Variants in NXPH1 observed in about 807,000 individuals in gnomAD.
NXPH1 encodes the protein neurexophilin-1.
In NXPH1, 5 loss-of-function variants were observed where a neutral mutation model predicts 23.7. The ratio of observed to expected loss-of-function variants is 0.21; its 90% CI spans 0.11 to 0.44. The LOEUF (loss-of-function observed/expected upper bound fraction) is 0.44. Ranked by LOEUF, NXPH1 falls within the 20% of genes least tolerant of loss-of-function variation. The probability of loss-of-function intolerance (pLI) is 0.99; values close to 1 mark genes in which losing one functional copy is unlikely to be tolerated. For missense variants in NXPH1, 324 were observed against 321.6 expected (o/e 1.01, Z -0.06); for synonymous variants, 144 against 122.2 (o/e 1.18, Z -1.18).
At chr7:8,496,664 A>G (rs531459786) in intron 2 of NXPH1, among the ~76,000 whole-genome samples, 1 of 152,180 alleles carries the variant, frequency 6.6e-6, no homozygotes, top group African/African-American at 2.4e-5. Flanking sequence ...GCCCCATCCC[A>G]GAACTCAGGG....
intron 2 of NXPH1, among the ~76,000 whole-genome samples, chr7:8,670,243 A>G (rs959138028): frequency 6.6e-6 from 1 of 152,132 alleles, no homozygotes; most frequent in Non-Finnish European, 1.5e-5. Flanking sequence ...CCTTTGAGGT[A>G]GTGTCCTTTG....
intron 2 of NXPH1, among the ~76,000 whole-genome samples, chr7:8,660,581 C>T (rs1229693940): frequency 1.3e-5 from 2 of 152,208 alleles, no homozygotes; most frequent in East Asian, 3.9e-4. Context: ...TTTTTGGCAT[C>T]TGAGGACAGG....
At chr7:8,617,927 T>C (rs1819780712) in intron 2 of NXPH1, among the ~76,000 whole-genome samples, 1 of 152,118 alleles carries the variant, frequency 6.6e-6, no homozygotes, top group Non-Finnish European at 1.5e-5. Flanking sequence ...TATACACCTA[T>C]GTACCCACGA....
intron 2 of NXPH1, among the ~76,000 whole-genome samples, chr7:8,633,478 C>A (rs949028735): frequency 1.3e-5 from 2 of 152,152 alleles, no homozygotes; most frequent in Non-Finnish European, 2.9e-5. Flanking sequence ...TAGAATTATG[C>A]GGATGTGAAA....
intron 2 of NXPH1, among the ~76,000 whole-genome samples, chr7:8,475,728 T>G (rs1816958860): frequency 6.6e-6 from 1 of 152,152 alleles, no homozygotes; most frequent in South Asian, 2.1e-4. Context: ...TCCTTTTACC[T>G]CTTCACCTCT....
chr7:8,748,181 A>G (rs553230841), intron 2 of NXPH1, among the ~76,000 whole-genome samples: 59 of 152,320 alleles, frequency 3.9e-4, no homozygotes, highest in African/African-American at 1.3e-3. Context: ...TACTTGTGCT[A>G]AAGCAACGAT....
intron 2 of NXPH1, among the ~76,000 whole-genome samples, chr7:8,485,213 G>A (rs1817139143): frequency 6.6e-6 from 1 of 152,164 alleles, no homozygotes; most frequent in African/African-American, 2.4e-5. Flanking sequence ...TAAAAGGGCA[G>A]TTCCCCTGCA....
At chr7:8,554,224 A>T (rs1236271113) in intron 2 of NXPH1, among the ~76,000 whole-genome samples, 1 of 151,658 alleles carries the variant, frequency 6.6e-6, no homozygotes, top group Admixed American at 6.6e-5. Flanking sequence ...TTAGGTGTTA[A>T]CCTTCAGGCA....
chr7:8,657,497 A>G (rs1820601691), intron 2 of NXPH1, among the ~76,000 whole-genome samples: 1 of 152,102 alleles, frequency 6.6e-6, no homozygotes. Flanking sequence ...GCCCTGGCCC[A>G]CTCCTAGGCA....
intron 2 of NXPH1, among the ~76,000 whole-genome samples, chr7:8,731,948 T>C (rs1780163457): frequency 1.3e-5 from 2 of 152,216 alleles, no homozygotes; most frequent in Admixed American, 1.3e-4. Flanking sequence ...GCCTTGCTGC[T>C]GCCTTGCAGT....
At chr7:8,663,160 T>C (rs969619298) in intron 2 of NXPH1, among the ~76,000 whole-genome samples, 1 of 152,096 alleles carries the variant, frequency 6.6e-6, no homozygotes, top group Non-Finnish European at 1.5e-5. Flanking sequence ...TCATTTAGTA[T>C]ACATGGAGTC....
chr7:8,700,644 T>C (rs1779610959), intron 2 of NXPH1, among the ~76,000 whole-genome samples: 1 of 152,166 alleles, frequency 6.6e-6, no homozygotes, highest in African/African-American at 2.4e-5. Flanking sequence ...TTTGCCTTCT[T>C]AAATAGTTTT....
chr7:8,573,571 G>T (rs1367025199), intron 2 of NXPH1, among the ~76,000 whole-genome samples: 1 of 152,100 alleles, frequency 6.6e-6, no homozygotes, highest in African/African-American at 2.4e-5. Context: ...GTGATGGATA[G>T]GTACAAACAG....
chr7:8,518,006 C>G (rs1817715855), intron 2 of NXPH1, among the ~76,000 whole-genome samples: 1 of 152,088 alleles, frequency 6.6e-6, no homozygotes, highest in Non-Finnish European at 1.5e-5. Flanking sequence ...AAAAGGTAGA[C>G]AGGAAAAGCA....
At chr7:8,507,997 A>T (rs1817557965) in intron 2 of NXPH1, among the ~76,000 whole-genome samples, 1 of 152,124 alleles carries the variant, frequency 6.6e-6, no homozygotes, top group Admixed American at 6.6e-5. Flanking sequence ...AAGAATCTTT[A>T]TGCTTTGTCA....
chr7:8,475,910 T>A (rs913924679), intron 2 of NXPH1, among the ~76,000 whole-genome samples: 1 of 152,168 alleles, frequency 6.6e-6, no homozygotes, highest in African/African-American at 2.4e-5. Flanking sequence ...TAATTCCAGA[T>A]AATACCCATG....
At chr7:8,649,669 A>T (rs1422991034) in intron 2 of NXPH1, among the ~76,000 whole-genome samples, 2 of 152,202 alleles carry the variant, frequency 1.3e-5, no homozygotes, top group Non-Finnish European at 2.9e-5. Flanking sequence ...GTTGGCTGCT[A>T]GAAGAGAAAT....
chr7:8,594,486 T>C (rs1329465449), intron 2 of NXPH1, among the ~76,000 whole-genome samples: 1 of 152,022 alleles, frequency 6.6e-6, no homozygotes, highest in Non-Finnish European at 1.5e-5. Flanking sequence ...ATCAGCAGCA[T>C]AGATGCATAG....
intron 2 of NXPH1, among the ~76,000 whole-genome samples, chr7:8,669,858 A>G (rs752316359): frequency 7.2e-5 from 11 of 152,188 alleles, no homozygotes; most frequent in Non-Finnish European, 1.0e-4. Flanking sequence ...CTCAGGTGCT[A>G]TAATTTTTCA....
Sources: allele counts gnomAD v4.1 joint callset (sites outside exome capture counted in the v4.1 genomes callset), GRCh38; gene constraint gnomAD v4.1.1; transcripts MANE v1.5; gene names NCBI Gene and HGNC (gene_info 2026-07-23, HGNC 2026-07-21).